Variants in SIMC1 observed in about 807,000 individuals in gnomAD.
SIMC1 encodes SUMO-interacting motif-containing protein 1.
In SIMC1, 55 loss-of-function variants were observed where a neutral mutation model predicts 82.3. The ratio of observed to expected loss-of-function variants is 0.67; its 90% CI spans 0.54 to 0.84. SIMC1 has a LOEUF of 0.84. Ranked by LOEUF, SIMC1 falls within the 40% of genes least tolerant of loss-of-function variation. SIMC1 has a pLI of 0.00. For missense variants in SIMC1, 915 were observed against 1,107.2 expected (o/e 0.83, Z 2.46); for synonymous variants, 353 against 426.3 (o/e 0.83, Z 2.12).
chr5:176,315,282 G>C (rs1764845506), intron 5 of SIMC1, among the ~76,000 whole-genome samples: 2 of 152,110 alleles, frequency 1.3e-5, no homozygotes, highest in Non-Finnish European at 2.9e-5. Flanking sequence ...CGGGGCTATG[G>C]TGCCAACCTC....
intron 1 of SIMC1, among the ~76,000 whole-genome samples, chr5:176,250,034 C>G (rs767733887): frequency 2.6e-4 from 40 of 151,942 alleles, no homozygotes; most frequent in Middle Eastern, 3.4e-3. Flanking sequence ...TAGATCTTTC[C>G]GGCTTTTTCC....
In SIMC1 at chr5:176,294,074, A is replaced by T. The variant is rs545285447; in HGVS notation, c.1432-956A>T. Among the ~76,000 whole-genome samples, 4 of 152,250 alleles carry T rather than the reference A, an allele frequency of 2.6e-5. No homozygotes were observed. In the South Asian group the frequency reaches 8.3e-4, roughly 32 times the overall value. On this transcript the variant is annotated intron_variant, in intron 2 of 9. Transcript: ENST00000429602. ...AAACTTCTTTCTTATCTATTTCGGT[A>T]TCTGATATAGTATCACAGCTATCCC... is the stretch of plus-strand genomic sequence containing the variant.
At chr5:176,276,387 C>T (rs186830585) in intron 1 of SIMC1, among the ~76,000 whole-genome samples, 87 of 151,028 alleles carry the variant, frequency 5.8e-4, no homozygotes, top group African/African-American at 1.7e-3. Flanking sequence ...GTCTTGCTAG[C>T]GGTCTATCAA....
chr5:176,241,480 A>G (rs1277301104), intron 1 of SIMC1, among the ~76,000 whole-genome samples: 1 of 144,878 alleles, frequency 6.9e-6, no homozygotes, highest in African/African-American at 2.6e-5. Flanking sequence ...TTCCCTCATA[A>G]TCTTTGTACT....
chr5:176,243,668 A>G lies in SIMC1; in HGVS notation c.129+5031A>G, dbSNP rs570200955. 3.6e-3 allele frequency among the ~76,000 whole-genome samples: 544 copies of G among 152,012 alleles called. 3 individuals carry two copies. The highest frequency in any genetic ancestry group is 0.012 in the African/African-American group (515 of 41,434). On this transcript the variant is annotated intron_variant, in intron 1 of 9. Transcript: ENST00000429602. ...CTCCCGAGTAGCCGGGACTACAAGC[A>G]CACCACCACGCTTGACTAATTTTTT... is the stretch of plus-strand genomic sequence containing the variant.
intron 1 of SIMC1, among the ~76,000 whole-genome samples, chr5:176,282,162 C>T (rs951880741): frequency 5.3e-5 from 8 of 152,252 alleles, no homozygotes; most frequent in African/African-American, 1.9e-4. Context: ...AGCCTCGCTG[C>T]CGCCTTGCAG....
chr5:176,330,689 G>T (rs1029871329), intron 7 of SIMC1, among the ~76,000 whole-genome samples: 1 of 152,062 alleles, frequency 6.6e-6, no homozygotes, highest in Non-Finnish European at 1.5e-5. Flanking sequence ...AAAGAGACGG[G>T]ACCCCCTTTC....
intron 1 of SIMC1, among the ~76,000 whole-genome samples, chr5:176,255,657 G>T: frequency 7.4e-6 from 1 of 136,008 alleles, no homozygotes; most frequent in African/African-American, 2.7e-5. Flanking sequence ...ATAAAATTTT[G>T]TTTTCTGTGA....
At chr5:176,253,564 G>T (rs1177679790) in intron 1 of SIMC1, among the ~76,000 whole-genome samples, 1 of 152,082 alleles carries the variant, frequency 6.6e-6, no homozygotes, top group African/African-American at 2.4e-5. Context: ...ATCCTGGATT[G>T]TTGGTCTCAT....
chr5:176,273,100 G>C (rs1209322870), intron 1 of SIMC1, among the ~76,000 whole-genome samples: 1 of 152,206 alleles, frequency 6.6e-6, no homozygotes, highest in Non-Finnish European at 1.5e-5. Context: ...TCCCAGCTTG[G>C]AGTTTGAGAT....
At chr5:176,275,977 C>A (rs1762672857) in intron 1 of SIMC1, among the ~76,000 whole-genome samples, 1 of 151,686 alleles carries the variant, frequency 6.6e-6, no homozygotes, top group Non-Finnish European at 1.5e-5. Context: ...CAGGATGATG[C>A]TGGCCTCATA....
At chr5:176,331,513 C>T (rs1561730613) in intron 7 of SIMC1, among the ~76,000 whole-genome samples, 2 of 151,214 alleles carry the variant, frequency 1.3e-5, no homozygotes. Flanking sequence ...AAGGGTTTCA[C>T]CATGTTGGCC....
At chr5:176,251,049 G>T (rs2113118701) in intron 1 of SIMC1, among the ~76,000 whole-genome samples, 1 of 152,136 alleles carries the variant, frequency 6.6e-6, no homozygotes, top group Non-Finnish European at 1.5e-5. Flanking sequence ...TTTCTTCATA[G>T]TGTTGATGGT....
At chr5:176,306,196 G>A (rs1290183840) in intron 4 of SIMC1, among the ~76,000 whole-genome samples, 2 of 56,298 alleles carry the variant, frequency 3.6e-5, no homozygotes, top group Non-Finnish European at 8.4e-5. Context: ...CAGCCGCCCC[G>A]TCCGGGAGGT....
At chr5:176,260,687 T>C (rs1182835242) in intron 1 of SIMC1, among the ~76,000 whole-genome samples, 1 of 152,148 alleles carries the variant, frequency 6.6e-6, no homozygotes, top group Non-Finnish European at 1.5e-5. Context: ...TTTTTTTATT[T>C]TAATATATAC....
At chr5:176,309,127 C>A (rs150064361) in intron 4 of SIMC1, 12 of 633,680 alleles carry the variant, frequency 1.9e-5, no homozygotes, top group Non-Finnish European at 3.1e-5. Flanking sequence ...TCAAGACTTA[C>A]TATAAAGCTG....
intron 7 of SIMC1, among the ~76,000 whole-genome samples, chr5:176,331,093 T>C (rs1216387578): frequency 1.3e-5 from 2 of 151,934 alleles, no homozygotes; most frequent in African/African-American, 2.4e-5. Flanking sequence ...TGAAAAAAAC[T>C]GGCATGTGCT....
chr5:176,272,838 T>C (rs1762506049), intron 1 of SIMC1, among the ~76,000 whole-genome samples: 1 of 152,200 alleles, frequency 6.6e-6, no homozygotes, highest in South Asian at 2.1e-4. Flanking sequence ...CGTTCATTGC[T>C]AGCACAGCAG....
chr5:176,305,143 G>GGGGGA (rs1764259426), intron 4 of SIMC1, among the ~76,000 whole-genome samples: 1 of 127,850 alleles, frequency 7.8e-6, no homozygotes, highest in Non-Finnish European at 1.8e-5. Flanking sequence ...AGGAGGGGGG[G>GGGGGA]GGGGTCAGCC....
Sources: allele counts gnomAD v4.1 joint callset (sites outside exome capture counted in the v4.1 genomes callset), GRCh38; gene constraint gnomAD v4.1.1; transcripts MANE v1.5; gene names NCBI Gene and HGNC (gene_info 2026-07-23, HGNC 2026-07-21).